The following CDH4 variants were observed in gnomAD, a reference collection of about 807,000 sequenced individuals.
CDH4 encodes cadherin 4.
CDH4 carries 33 observed loss-of-function variants against 86.0 expected under a neutral mutation model. That is an observed-to-expected ratio of 0.38 (90% confidence interval 0.29 to 0.51). CDH4 has a LOEUF of 0.51. Ranked by LOEUF, CDH4 falls within the 20% of genes least tolerant of loss-of-function variation. The probability of loss-of-function intolerance (pLI) is 0.86; values close to 1 mark genes in which losing one functional copy is unlikely to be tolerated. For missense variants in CDH4, 1,114 were observed against 1,307.4 expected (o/e 0.85, Z 2.28); for synonymous variants, 555 against 549.4 (o/e 1.01, Z -0.14).
In CDH4 at chr20:61,895,075, GCAT is replaced by G. The variant is rs769623176; in HGVS notation, c.1188+29_1188+31del. ...GAGTCCCTCGAAGCTGCCCAGTGAC[GCAT>G]GGCCCGTGCAGGGCAGGAATGCACT... is the stretch of plus-strand genomic sequence containing the variant. On this transcript the variant is annotated intron_variant, in intron 8 of 15. Transcript: ENST00000614565. 2.7e-5 allele frequency: 44 copies of G among 1,610,250 alleles called. No individual in the cohort carries two copies. In the Admixed American group the frequency reaches 6.2e-4, roughly 23 times the overall value.
intron 2 of CDH4, among the ~76,000 whole-genome samples, chr20:61,519,686 T>C (rs1454655857): frequency 6.6e-6 from 1 of 152,246 alleles, no homozygotes; most frequent in Non-Finnish European, 1.5e-5. Flanking sequence ...GCTCTCTAGA[T>C]GGGTGTCTAT....
Position 61,937,249 on chromosome 20 carries a change from G to GAA in CDH4, c.*321_*322dup, listed in dbSNP as rs11481455. On this transcript the variant is annotated 3_prime_UTR_variant, in exon 16 of 16. Transcript: ENST00000614565. ...AAAAAAAAAAAAAAGAAGAAAGAAA[G>GAA]AAAAAAAAAAAAAAAAGAAAGTGCC... 0.038 allele frequency: 4,128 copies of GAA among 109,596 alleles called. 227 individuals carry two copies. Among genetic ancestry groups the GAA allele is most frequent in the African/African-American group, 0.11 (3,181 of 29,080 alleles). The allele number at this position is 109,596 out of a possible 1,614,324, so 6.8% of individuals were successfully genotyped here. A position where few individuals can be genotyped will look rare whatever the true frequency, so the allele number is the denominator to read the frequency against.
At chr20:61,743,032 G>A (rs1280167639) in intron 2 of CDH4, among the ~76,000 whole-genome samples, 1 of 152,230 alleles carries the variant, frequency 6.6e-6, no homozygotes, top group Non-Finnish European at 1.5e-5. Flanking sequence ...AAACACAGCA[G>A]AGCCGAGTTC....
At position 61,750,200 on chromosome 20, in the gene CDH4, A is replaced by C. The variant is rs1278760661; in HGVS notation, c.396+6411A>C. ...AATGAAACAGAAAACAATAGAAATA[A>C]CAAAATTGGTCCTTTAAACTACAAG... On this transcript the variant is annotated intron_variant, in intron 3 of 15. Coordinates refer to ENST00000614565, the MANE Select transcript of CDH4 (RefSeq NM_001794.5). Among the ~76,000 whole-genome samples the C allele has an allele frequency of 2.6e-5, 4 of 152,196 alleles. No homozygotes were observed. The East Asian group carries it at 7.7e-4, about 29-fold the overall frequency.
chr20:61,624,794 G>T (rs1488771670), intron 2 of CDH4, among the ~76,000 whole-genome samples: 1 of 152,214 alleles, frequency 6.6e-6, no homozygotes, highest in African/African-American at 2.4e-5. Context: ...AAGAGTCGGG[G>T]CATTCTGAGC....
chr20:61,669,854 A>C (rs1239634063), intron 2 of CDH4, among the ~76,000 whole-genome samples: 2 of 152,278 alleles, frequency 1.3e-5, no homozygotes, highest in Non-Finnish European at 2.9e-5. Context: ...GTATAAATCT[A>C]TGCAGGACAC....
At chr20:61,559,796 G>T (rs1034367554) in intron 2 of CDH4, among the ~76,000 whole-genome samples, 69 of 152,042 alleles carry the variant, frequency 4.5e-4, no homozygotes, top group Non-Finnish European at 9.4e-4. Flanking sequence ...TGGGATTATA[G>T]GTGTGAGCCA....
intron 2 of CDH4, among the ~76,000 whole-genome samples, chr20:61,739,483 C>T (rs11698125): frequency 0.072 from 10,965 of 152,300 alleles, 514 homozygotes; most frequent in Non-Finnish European, 0.1. Flanking sequence ...GAAACAAAAA[C>T]AGGTGATGTG....
At chr20:61,526,122 TC>T (rs1468892778) in intron 2 of CDH4, among the ~76,000 whole-genome samples, 1 of 152,138 alleles carries the variant, frequency 6.6e-6, no homozygotes, top group Non-Finnish European at 1.5e-5. Context: ...CACTGGCTGT[TC>T]CTTCCGAGTC....
chr20:61,257,697 A>T (rs1279026219), intron 2 of CDH4, among the ~76,000 whole-genome samples: 1 of 152,230 alleles, frequency 6.6e-6, no homozygotes. Flanking sequence ...TGTTCTCTAA[A>T]CCGTAGTTTA....
At chr20:61,419,981 A>G (rs1034358202) in intron 2 of CDH4, among the ~76,000 whole-genome samples, 3 of 152,160 alleles carry the variant, frequency 2.0e-5, no homozygotes, top group African/African-American at 2.4e-5. Flanking sequence ...TGAATGCACT[A>G]TTTGCAAAGC....
chr20:61,632,427 G>A (rs1235875630), intron 2 of CDH4, among the ~76,000 whole-genome samples: 1 of 152,138 alleles, frequency 6.6e-6, no homozygotes, highest in Non-Finnish European at 1.5e-5. Flanking sequence ...CAGGTGCCAG[G>A]ATAAGTGTGA....
chr20:61,281,743 C>T (rs577567018), intron 2 of CDH4, among the ~76,000 whole-genome samples: 6 of 152,330 alleles, frequency 3.9e-5, no homozygotes, highest in South Asian at 2.1e-4. Flanking sequence ...GGGGCATTCC[C>T]GCCACCTCCT....
chr20:61,837,176 G>C (rs1002073735), intron 4 of CDH4, among the ~76,000 whole-genome samples: 7 of 152,198 alleles, frequency 4.6e-5, no homozygotes, highest in Non-Finnish European at 8.8e-5. Context: ...CTGGGCGACA[G>C]AGCAAGACCC....
intron 4 of CDH4, among the ~76,000 whole-genome samples, chr20:61,809,601 G>A (rs896882341): frequency 6.6e-6 from 1 of 152,206 alleles, no homozygotes; most frequent in African/African-American, 2.4e-5. Context: ...ACAAGGCATG[G>A]CTGGATCCCA....
intron 2 of CDH4, among the ~76,000 whole-genome samples, chr20:61,457,710 G>A (rs1026875012): frequency 2.0e-5 from 3 of 151,894 alleles, no homozygotes; most frequent in African/African-American, 7.3e-5. Context: ...TGATGGTTAT[G>A]ATGGTGATGG....
intron 2 of CDH4, among the ~76,000 whole-genome samples, chr20:61,496,820 T>C (rs2085666163): frequency 6.6e-6 from 1 of 152,326 alleles, no homozygotes; most frequent in African/African-American, 2.4e-5. Context: ...GCTGTAGGCT[T>C]GGTTTGATGT....
chr20:61,298,500 C>T (rs1012323500), intron 2 of CDH4, among the ~76,000 whole-genome samples: 4 of 152,048 alleles, frequency 2.6e-5, no homozygotes, highest in Admixed American at 1.3e-4. Flanking sequence ...GGCCACGTCC[C>T]GTCAGGTCCT....
In CDH4 at chr20:61,929,620, C is replaced by G. The variant is rs771467341; in HGVS notation, c.2017C>G (p.Gln673Glu). ...TITRLNGDYA[Q>E]LSLRILYLEA... ...TTGCTTTGCACCAGGTGACTATGCC[C>G]AACTCAGCTTGCGCATCCTGTACCT... is the stretch of plus-strand genomic sequence containing the variant. Residue 673 changes from glutamine (Q) to glutamate (E), a missense_variant, in exon 13 of 16, where the codon CAA becomes GAA. Coordinates refer to ENST00000614565, the MANE Select transcript of CDH4 (RefSeq NM_001794.5). 6.2e-7 allele frequency: 1 copy of G among 1,613,698 alleles called. No homozygotes were observed. The highest frequency in any genetic ancestry group is 1.1e-5 in the South Asian group (1 of 91,082).
Sources: allele counts gnomAD v4.1 joint callset (sites outside exome capture counted in the v4.1 genomes callset), GRCh38; gene constraint gnomAD v4.1.1; transcripts MANE v1.5; gene names NCBI Gene and HGNC (gene_info 2026-07-23, HGNC 2026-07-21).